Variants in GAB2 observed in about 807,000 individuals in gnomAD.
The protein encoded by GAB2 is GRB2-associated-binding protein 2.
GAB2 carries 26 observed loss-of-function variants against 65.5 expected under a neutral mutation model. The ratio of observed to expected loss-of-function variants is 0.40; its 90% CI spans 0.29 to 0.55. The LOEUF is 0.55. Among genes scored for constraint, GAB2 ranks in the 20% least tolerant of loss-of-function variants. The probability of loss-of-function intolerance (pLI) is 0.53; values close to 1 mark genes in which losing one functional copy is unlikely to be tolerated. For missense variants in GAB2, 884 were observed against 875.8 expected (o/e 1.01, Z -0.12); for synonymous variants, 321 against 329.6 (o/e 0.97, Z 0.28).
At chr11:78,231,025 C>A (rs1273374134) in intron 3 of GAB2, among the ~76,000 whole-genome samples, 2 of 152,146 alleles carry the variant, frequency 1.3e-5, no homozygotes, top group African/African-American at 2.4e-5. Context: ...ATAAAATAGG[C>A]AAGATACTAT....
Position 78,290,807 on chromosome 11 carries a change from A to AT in GAB2, c.76-9907dup, listed in dbSNP as rs199752973. On this transcript the variant is annotated intron_variant, in intron 1 of 9. Transcript: ENST00000361507. ...AGCAGTCTACGGAAAACCAAATTTT[A>AT]TTTTTTTTAGAACGTAAGAACTTTC... Among the ~76,000 whole-genome samples the AT allele has an allele frequency of 4.6e-5, 7 of 152,096 alleles. No individual in the cohort carries two copies. The East Asian group carries it at 7.7e-4, about 17-fold the overall frequency.
intron 3 of GAB2, among the ~76,000 whole-genome samples, chr11:78,238,036 G>T (rs1865028269): frequency 6.6e-6 from 1 of 152,134 alleles, no homozygotes; most frequent in African/African-American, 2.4e-5. Context: ...TGTTAGGTGG[G>T]CAGAGGGAGG....
In GAB2 at chr11:78,219,213, G is replaced by A. The variant is rs1864294781; in HGVS notation, c.*59C>T. 2 of 1,521,230 alleles carry A rather than the reference G, an allele frequency of 1.3e-6. No homozygotes were observed. Among genetic ancestry groups the A allele is most frequent in the Non-Finnish European group, 1.8e-6 (2 of 1,104,272 alleles). The allele number at this position is 1,521,230 out of a possible 1,614,324, so 94.2% of individuals were successfully genotyped here. Reference sequence around the variant, plus strand: ...AGGAAGAACGGGAGAGGGGAGAGGGGAGATGGGAAGGGCCAGCTCTGGAGA... The same window carrying A: ...AGGAAGAACGGGAGAGGGGAGAGGGAAGATGGGAAGGGCCAGCTCTGGAGA... On this transcript the variant is annotated 3_prime_UTR_variant, in exon 10 of 10. Coordinates refer to ENST00000361507, the MANE Select transcript of GAB2 (RefSeq NM_080491.3).
intron 2 of GAB2, among the ~76,000 whole-genome samples, chr11:78,255,013 C>G (rs561469544): frequency 2.0e-5 from 3 of 151,996 alleles, no homozygotes; most frequent in African/African-American, 7.2e-5. Context: ...CAGAATGTGA[C>G]CTTACTTGAA....
chr11:78,355,296 A>T (rs1055523766), intron 1 of GAB2, among the ~76,000 whole-genome samples: 2 of 152,198 alleles, frequency 1.3e-5, no homozygotes, highest in African/African-American at 4.8e-5. Context: ...CCTGTGGGCA[A>T]TTTGAGATTG....
intron 1 of GAB2, among the ~76,000 whole-genome samples, chr11:78,323,010 T>C (rs548816056): frequency 6.8e-6 from 1 of 147,508 alleles, no homozygotes; most frequent in African/African-American, 2.4e-5. Context: ...CAGAAAGACA[T>C]ATGCACTCAT....
At chr11:78,272,181 G>A (rs138469974) in intron 2 of GAB2, among the ~76,000 whole-genome samples, 342 of 152,308 alleles carry the variant, frequency 2.2e-3, no homozygotes, top group African/African-American at 7.9e-3. Context: ...AAAATTGGTA[G>A]CAGTAGAGTG....
At position 78,215,351 on chromosome 11, in the gene GAB2, G is replaced by T. The variant is rs969359137; in HGVS notation, c.*3921C>A. 1 of 152,416 alleles carries T rather than the reference G, an allele frequency of 6.6e-6. No individual in the cohort carries two copies. The highest frequency in any genetic ancestry group is 2.4e-5 in the African/African-American group (1 of 41,370). The allele number at this position is 152,416 out of a possible 1,614,324, so 9.4% of individuals were successfully genotyped here. On this transcript the variant is annotated 3_prime_UTR_variant, in exon 10 of 10. Coordinates refer to ENST00000361507, the MANE Select transcript of GAB2 (RefSeq NM_080491.3). ...CTGCTCCAACACCACAGTAGAAAGG[G>T]ACCTGCAAGCTCCAAGCCTGTACCA...
intron 1 of GAB2, among the ~76,000 whole-genome samples, chr11:78,312,710 T>A (rs1024971208): frequency 3.3e-5 from 5 of 152,224 alleles, no homozygotes; most frequent in Non-Finnish European, 7.3e-5. Flanking sequence ...ATTACAGGCG[T>A]GAGCCACTGC....
intron 1 of GAB2, among the ~76,000 whole-genome samples, chr11:78,370,920 C>G (rs900566947): frequency 6.6e-6 from 1 of 152,152 alleles, no homozygotes; most frequent in African/African-American, 2.4e-5. Context: ...ACACACCCCA[C>G]GTTTGAACTT....
At chr11:78,410,209 T>TAA in intron 1 of GAB2, among the ~76,000 whole-genome samples, 1 of 152,190 alleles carries the variant, frequency 6.6e-6, no homozygotes, top group East Asian at 1.9e-4. Context: ...AACTACTATA[T>TAA]AAAAAAATCA....
Position 78,220,333 on chromosome 11 carries a change from T to A in GAB2, c.1873A>T (p.Ser625Cys). The A allele has an allele frequency of 6.2e-7, 1 of 1,612,544 alleles. No homozygotes were observed. The highest frequency in any genetic ancestry group is 2.2e-5 in the East Asian group (1 of 44,838). Residue 625 changes from serine to cysteine, a missense_variant, in exon 9 of 10, where the codon AGC becomes TGC. Physicochemically the swap from Ser to Cys is moderately radical, Grantham distance 112. Transcript: ENST00000361507. ...LALDFQPSSPSPHRKPSTSSV... is the reference protein window; with the variant it reads ...LALDFQPSSPCPHRKPSTSSV... ...ACTCCAGGCACCTTGCGGTGGGGGCTTGGGGAGCTCGGCTGGAAGTCCAGG... is the reference window on the plus strand; with the variant it reads ...ACTCCAGGCACCTTGCGGTGGGGGCATGGGGAGCTCGGCTGGAAGTCCAGG...
chr11:78,388,145 C>T (rs1370356434), intron 1 of GAB2: 1 of 151,970 alleles, frequency 6.6e-6, no homozygotes, highest in Non-Finnish European at 1.5e-5. Flanking sequence ...TGTGCCTCAG[C>T]CTTCCAAGTA....
At chr11:78,345,806 C>T (rs1029983697) in intron 1 of GAB2, among the ~76,000 whole-genome samples, 2 of 152,168 alleles carry the variant, frequency 1.3e-5, no homozygotes, top group African/African-American at 2.4e-5. Flanking sequence ...AGCTGGAAGG[C>T]ACGGTAACCA....
chr11:78,407,674 A>AAAGAAAGAAAGAAAGAAAGAAAGT (rs1857068375), intron 1 of GAB2, among the ~76,000 whole-genome samples: 1 of 136,660 alleles, frequency 7.3e-6, no homozygotes, highest in African/African-American at 3.6e-5. Context: ...AGAAAGAAAG[A>AAAGAAAGAAAGAAAGAAAGAAAGT]AAGAAAGAAA....
chr11:78,221,539 G>T, intron 8 of GAB2, 138 bp downstream of exon 8: 1 of 487,296 alleles, frequency 2.1e-6, no homozygotes, highest in Admixed American at 3.4e-5. Flanking sequence ...AGAAGGGTTT[G>T]TAGCAGGAGA....
At chr11:78,364,480 C>T (rs1472451291) in intron 1 of GAB2, among the ~76,000 whole-genome samples, 2 of 152,204 alleles carry the variant, frequency 1.3e-5, no homozygotes, top group African/African-American at 2.4e-5. Context: ...TAACTGGACA[C>T]AATACATGCT....
intron 1 of GAB2, among the ~76,000 whole-genome samples, chr11:78,374,438 G>T (rs552294869): frequency 6.6e-6 from 1 of 152,250 alleles, no homozygotes; most frequent in African/African-American, 2.4e-5. Flanking sequence ...GGAAAGACTT[G>T]GGGGTTACCC....
intron 1 of GAB2, among the ~76,000 whole-genome samples, chr11:78,284,590 A>G (rs1291145127): frequency 6.6e-6 from 1 of 150,772 alleles, no homozygotes. Flanking sequence ...GCCCTGGAAC[A>G]CTCCTCCCCC....
Sources: gnomAD v4.1 joint callset for allele counts (sites outside exome capture counted in the v4.1 genomes callset) on GRCh38, gnomAD v4.1.1 for gene constraint, MANE v1.5 for transcripts, NCBI Gene and HGNC (gene_info 2026-07-23, HGNC 2026-07-21) for gene names.